EVI5L: variants seen among roughly 807,000 people sequenced by gnomAD.
EVI5L encodes the protein EVI5-like protein.
In EVI5L, 30 loss-of-function variants were observed where a neutral mutation model predicts 106.1. That is an observed-to-expected ratio of 0.28 (90% CI 0.21 to 0.38). The LOEUF (loss-of-function observed/expected upper bound fraction) is 0.38, where lower values mean the gene tolerates loss of function less well. Among genes scored for constraint, EVI5L ranks in the 10% least tolerant of loss-of-function variants. EVI5L has a pLI of 1.00. For synonymous variants in EVI5L, 489 were observed against 483.3 expected, an observed-to-expected ratio of 1.01 and a Z score of -0.15; for missense variants, 809 against 1,098.0, an observed-to-expected ratio of 0.74 and a Z score of 3.72.
Position 7,858,075 on chromosome 19 carries a change from C to A in EVI5L, c.1234-116C>A. The A allele has an allele frequency of 7.9e-7, 1 of 1,261,178 alleles. No homozygotes were observed. The highest frequency in any genetic ancestry group is 1.5e-5 in the African/African-American group (1 of 66,886). The allele number at this position is 1,261,178 out of a possible 1,614,324, so 78.1% of individuals were successfully genotyped here. ...CCAGGCTCTGAGTACGGGAGGCCCC[C>A]ACCTCACTTCCCCCCACCTCCACTC... On this transcript the variant is annotated intron_variant, in intron 12 of 19. Transcript: ENST00000538904. This position sits in a 1 kb window ranked among gnomAD's most constrained non-coding sequence, Gnocchi z 5.7.
In EVI5L at chr19:7,863,665, A is replaced by G; in HGVS notation, c.2381A>G (p.Glu794Gly). 6.5e-7 allele frequency: 1 copy of G among 1,533,674 alleles called. No individual in the cohort carries two copies. Among genetic ancestry groups the G allele is most frequent in the Non-Finnish European group, 8.8e-7 (1 of 1,142,258 alleles). ...SEGSSDSDAD[E>G]LAAPYSQGLD... ...GGCAGCTCAGACAGCGACGCCGATG[A>G]GCTGGCCGCGCCCTACAGCCAGGGT... Residue 794 changes from glutamate to glycine, a missense_variant, in exon 20 of 20, where the codon GAG becomes GGG. By Grantham distance (98) the Glu-to-Gly change is moderately conservative. Around this residue, in one of 2 missense-constraint regions of EVI5L, gnomAD observed 452 missense variants for 509.9 expected, o/e 0.89. Coordinates refer to ENST00000538904, the MANE Select transcript of EVI5L (RefSeq NM_001159944.3). The surrounding 1 kb of genome is among the most constrained non-coding windows in gnomAD (Gnocchi z 7.7).
chr19:7,859,222 C>T (rs1202312754), intron 13 of EVI5L: 2 of 151,548 alleles, frequency 1.3e-5, no homozygotes, highest in Admixed American at 6.6e-5. Context: ...TTAACTGCAG[C>T]TGCACTCAGC....
chr19:7,862,648 GCCCGCGGTCCTCCCGCCCCC>G, intron 17 of EVI5L, 114 bp downstream of exon 17: 1 of 971,642 alleles, frequency 1.0e-6, no homozygotes. Flanking sequence ...ATCTGCCCCT[GCCCGCGGTCCTCCCGCCCCC>G]GCCCGCGGCC....
chr19:7,854,207 G>A (rs947907022), intron 10 of EVI5L, among the ~76,000 whole-genome samples: 8 of 151,212 alleles, frequency 5.3e-5, no homozygotes, highest in Admixed American at 4.0e-4. Flanking sequence ...ACTTGAACCC[G>A]GGAGGCGGAG....
At chr19:7,853,646 T>A in intron 10 of EVI5L, 1 of 409,436 alleles carries the variant, frequency 2.4e-6, no homozygotes, top group Non-Finnish European at 4.5e-6. Flanking sequence ...TGGACAAGGA[T>A]GTGCACGCGG....
rs1027977686 is a variant in EVI5L at position 7,855,908 on chromosome 19, A to G, written c.1147-107A>G. Reference sequence around the variant, plus strand: ...GATGCTGGCTGTGCCCTGCCCGGAAAAGTGGCCTGGCCCTAAGGGGACTGA... The same window carrying G: ...GATGCTGGCTGTGCCCTGCCCGGAAGAGTGGCCTGGCCCTAAGGGGACTGA... On this transcript the variant is annotated intron_variant, in intron 10 of 19. Coordinates refer to ENST00000538904, the MANE Select transcript of EVI5L (RefSeq NM_001159944.3). 4.9e-6 allele frequency: 5 copies of G among 1,027,660 alleles called. No individual in the cohort carries two copies. In the Admixed American group the frequency reaches 2.0e-4, roughly 41 times the overall value. The allele number at this position is 1,027,660 out of a possible 1,614,324, so 63.7% of individuals were successfully genotyped here.
chr19:7,863,509 C>T lies in EVI5L; in HGVS notation c.2225C>T (p.Ser742Leu), dbSNP rs764729102. 1.9e-6 allele frequency: 3 copies of T among 1,590,440 alleles called. No individual in the cohort carries two copies. The highest frequency in any genetic ancestry group is 3.5e-5 in the Admixed American group (2 of 57,594). The part of the protein sequence containing the change: ...LSLARHLDED[S>L]LPSSDEELLG... Reference sequence around the variant, plus strand: ...CTGGCGCGGCACTTGGACGAGGACTCGCTGCCGTCGTCGGACGAGGAGCTA... The same window carrying T: ...CTGGCGCGGCACTTGGACGAGGACTTGCTGCCGTCGTCGGACGAGGAGCTA... The change falls in exon 20 of 20, where the codon TCG becomes TTG. Residue 742 changes from serine (S) to leucine (L), a missense_variant. Physicochemically the swap from Ser to Leu is moderately radical, Grantham distance 145. Transcript: ENST00000538904. This position sits in a 1 kb window ranked among gnomAD's most constrained non-coding sequence, Gnocchi z 7.7.
chr19:7,863,314 G>C lies in EVI5L; in HGVS notation c.2139+34G>C. ...GCGCGGGGATGCCGGGGACAGGCCT[G>C]GGTGTCGTCGGCCTGGGACGAGCCG... On this transcript the variant is annotated intron_variant, in intron 19 of 19. Transcript: ENST00000538904. This position sits in a 1 kb window ranked among gnomAD's most constrained non-coding sequence, Gnocchi z 7.7. 6.5e-7 allele frequency: 1 copy of C among 1,549,204 alleles called. No homozygotes were observed. Among genetic ancestry groups the C allele is most frequent in the Non-Finnish European group, 8.7e-7 (1 of 1,146,462 alleles).
intron 1 of EVI5L, 67 bp from the exon 2 acceptor site, chr19:7,846,429 G>T (rs536593042): frequency 2.1e-6 from 3 of 1,403,534 alleles, no homozygotes; most frequent in Non-Finnish European, 2.9e-6. Flanking sequence ...GAAATGTCCC[G>T]AGGGTGGGCA....
chr19:7,845,461 C>T lies in EVI5L; in HGVS notation c.-47-1035C>T, dbSNP rs922033460. 3.9e-5 allele frequency among the ~76,000 whole-genome samples: 6 copies of T among 152,206 alleles called. No individual in the cohort carries two copies. Among genetic ancestry groups the T allele is most frequent in the Non-Finnish European group, 5.9e-5 (4 of 68,038 alleles). On this transcript the variant is annotated intron_variant, in intron 1 of 19. Transcript: ENST00000538904. This position sits in a 1 kb window ranked among gnomAD's most constrained non-coding sequence, Gnocchi z 4.0. Reference sequence around the variant, plus strand: ...TGGCTCCAGGATGGACAGTGATAGCCGATGTCCGTGGGGCCATCACTGAGT... The same window carrying T: ...TGGCTCCAGGATGGACAGTGATAGCTGATGTCCGTGGGGCCATCACTGAGT...
intron 1 of EVI5L, among the ~76,000 whole-genome samples, chr19:7,839,713 C>T (rs1489230315): frequency 2.0e-5 from 3 of 151,978 alleles, no homozygotes; most frequent in African/African-American, 7.2e-5. Context: ...CACTTGAAGC[C>T]AGGAGTTCAA....
intron 1 of EVI5L, among the ~76,000 whole-genome samples, chr19:7,839,538 G>A (rs1482031711): frequency 6.6e-6 from 1 of 152,162 alleles, no homozygotes; most frequent in Non-Finnish European, 1.5e-5. Context: ...CAATGACGTG[G>A]CAAGAGCTGC....
chr19:7,853,238 C>T, intron 9 of EVI5L, 35 bp from the exon 10 acceptor site: 2 of 1,613,918 alleles, frequency 1.2e-6, no homozygotes, highest in Non-Finnish European at 1.7e-6. Flanking sequence ...CCCCCGAGGG[C>T]ATGACAGTAA....
intron 1 of EVI5L, among the ~76,000 whole-genome samples, chr19:7,841,787 C>A (rs1211711629): frequency 6.6e-6 from 1 of 152,236 alleles, no homozygotes; most frequent in African/African-American, 2.4e-5. Context: ...ATGGGGCCTC[C>A]CCTGCCTCGC....
At chr19:7,853,225 G>A in intron 9 of EVI5L, 42 bp downstream of exon 9, 2 of 1,613,944 alleles carry the variant, frequency 1.2e-6, no homozygotes, top group Non-Finnish European at 1.7e-6. Context: ...TAAGAAGGGG[G>A]GACCCCCGAG....
rs563931180 is a variant in EVI5L at position 7,842,521 on chromosome 19, A to G, written c.-47-3975A>G. Among the ~76,000 whole-genome samples the G allele has an allele frequency of 3.5e-3, 516 of 148,326 alleles. 2 individuals are homozygous for G. Among genetic ancestry groups the G allele is most frequent in the Non-Finnish European group, 5.2e-3 (346 of 67,180 alleles). On this transcript the variant is annotated intron_variant, in intron 1 of 19. Coordinates refer to ENST00000538904, the MANE Select transcript of EVI5L (RefSeq NM_001159944.3). ...GAAAGTGTGTGTATCAAGTGTGTGC[A>G]TGTCTGTGAATTGGGGTGTATCAAG...
chr19:7,832,898 G>A (rs190464989), intron 1 of EVI5L, among the ~76,000 whole-genome samples: 7 of 152,318 alleles, frequency 4.6e-5, no homozygotes, highest in Non-Finnish European at 8.8e-5. Context: ...CTGACACCGG[G>A]TAGGAAGAGG....
rs1979547799 is a variant in EVI5L at position 7,856,768 on chromosome 19, A to G, written c.1201-324A>G. Among the ~76,000 whole-genome samples the G allele has an allele frequency of 1.3e-5, 2 of 151,818 alleles. No homozygotes were observed. On this transcript the variant is annotated intron_variant, in intron 11 of 19. Coordinates refer to ENST00000538904, the MANE Select transcript of EVI5L (RefSeq NM_001159944.3). This position sits in a 1 kb window ranked among gnomAD's most constrained non-coding sequence, Gnocchi z 6.6. ...AGCCAAAAGTCCCCCTGCCCCCCAC[A>G]GTTTTTCCAGCCAGCAGCGGCCCGG...
chr19:7,842,995 A>G (rs553594810), intron 1 of EVI5L, among the ~76,000 whole-genome samples: 2 of 149,580 alleles, frequency 1.3e-5, no homozygotes, highest in East Asian at 3.9e-4. Flanking sequence ...ACGTGTGTTG[A>G]GTGTGTGCAT....
Sources: gnomAD v4.1 joint callset for allele counts (sites outside exome capture counted in the v4.1 genomes callset) on GRCh38, gnomAD v4.1.1 for gene constraint, gnomAD v4.1.1 regional missense constraint, Gnocchi (gnomAD v3.1) non-coding constraint, MANE v1.5 for transcripts, NCBI Gene and HGNC (gene_info 2026-07-23, HGNC 2026-07-21) for gene names.